The following DMD variants were observed in gnomAD, a reference collection of about 807,000 sequenced individuals.
DMD encodes the protein mutant dystrophin.
A neutral mutation model predicts 330.1 loss-of-function variants in DMD; 63 were observed. The ratio of observed to expected loss-of-function variants is 0.19; its 90% CI spans 0.16 to 0.24. The LOEUF (loss-of-function observed/expected upper bound fraction) is 0.24. Ranked by LOEUF, DMD falls within the 10% of genes least tolerant of loss-of-function variation. The probability of loss-of-function intolerance (pLI) is 1.00; values close to 1 mark genes in which losing one functional copy is unlikely to be tolerated. For missense variants in DMD, 3,344 were observed against 2,684.1 expected (o/e 1.25, Z -5.43); for synonymous variants, 1,223 against 959.8 (o/e 1.27, Z -5.07).
chrX:32,696,609 T>A (rs1485393846), intron 9 of DMD, among the ~76,000 whole-genome samples: 2 of 111,295 alleles, frequency 1.8e-5, no homozygotes, highest in Non-Finnish European at 3.8e-5. Flanking sequence ...ATGAAGGTGG[T>A]GATGAGGTGA....
chrX:32,230,978 G>A (rs1441972580), intron 43 of DMD, among the ~76,000 whole-genome samples: 1 of 112,047 alleles, frequency 8.9e-6, no homozygotes, highest in Non-Finnish European at 1.9e-5. Context: ...AGGAAAATAT[G>A]TATAACTGAT....
At chrX:32,621,949 G>T (rs749101145) in intron 11 of DMD, among the ~76,000 whole-genome samples, 1 of 111,424 alleles carries the variant, frequency 9.0e-6, no homozygotes, top group Non-Finnish European at 1.9e-5. Context: ...CTAGAAATGT[G>T]TATTTTAACA....
At chrX:31,444,163 A>G (rs1309010991) in intron 60 of DMD, among the ~76,000 whole-genome samples, 1 of 111,129 alleles carries the variant, frequency 9.0e-6, no homozygotes, top group Non-Finnish European at 1.9e-5. Flanking sequence ...CGCCCTCGCC[A>G]GAAGCAGATG....
chrX:32,244,698 A>T (rs202159496), intron 43 of DMD, among the ~76,000 whole-genome samples: 1,518 of 80,636 alleles, frequency 0.019, 42 homozygotes, highest in East Asian at 0.042. Context: ...GATTTGCATT[A>T]CTCTGATGGC....
intron 2 of DMD, among the ~76,000 whole-genome samples, chrX:32,919,421 G>C (rs1022596067): frequency 3.5e-4 from 39 of 111,978 alleles, no homozygotes; most frequent in African/African-American, 1.2e-3. Flanking sequence ...CAACTATAAA[G>C]TAAATGGATG....
At chrX:31,501,093 C>T (rs763452107) in intron 56 of DMD, among the ~76,000 whole-genome samples, 22 of 112,242 alleles carry the variant, frequency 2.0e-4, no homozygotes, top group Non-Finnish European at 3.9e-4. Flanking sequence ...TAATCACAGG[C>T]TGTAAACTGA....
At chrX:32,937,100 G>C (rs1211433590) in intron 2 of DMD, among the ~76,000 whole-genome samples, 9 of 110,706 alleles carry the variant, frequency 8.1e-5, no homozygotes. Context: ...TATCAACAGA[G>C]ATATGCTCAG....
chrX:33,194,545 T>C (rs1198766161), intron 1 of DMD, among the ~76,000 whole-genome samples: 2 of 111,873 alleles, frequency 1.8e-5, no homozygotes, highest in East Asian at 5.6e-4. Context: ...ATATCGCATC[T>C]TTTCTTTGGT....
intron 23 of DMD, among the ~76,000 whole-genome samples, chrX:32,466,769 A>T (rs2040071871): frequency 1.8e-5 from 2 of 111,530 alleles, no homozygotes; most frequent in Admixed American, 1.9e-4. Flanking sequence ...TGAGACAAGG[A>T]ATGCTTCTAG....
intron 2 of DMD, among the ~76,000 whole-genome samples, chrX:32,965,335 T>C (rs1195292849): frequency 1.8e-5 from 2 of 109,810 alleles, no homozygotes; most frequent in Non-Finnish European, 3.8e-5. Flanking sequence ...GTACTAAAAA[T>C]ACAAAAAAAT....
chrX:31,139,625 C>T (rs183603931), intron 76 of DMD, among the ~76,000 whole-genome samples: 41 of 106,453 alleles, frequency 3.9e-4, no homozygotes, highest in African/African-American at 1.4e-3. Context: ...AAACATTGTA[C>T]TTTCTCACTT....
At chrX:32,665,540 TCATGTATCAAC>T (rs775120844) in intron 9 of DMD, among the ~76,000 whole-genome samples, 2 of 112,340 alleles carry the variant, frequency 1.8e-5, no homozygotes, top group East Asian at 5.6e-4. Context: ...TATTGTGGAT[TCATGTATCAAC>T]TATGTATTAA....
At chrX:33,083,604 C>T (rs1209176246) in intron 1 of DMD, among the ~76,000 whole-genome samples, 2 of 111,739 alleles carry the variant, frequency 1.8e-5, no homozygotes, top group Non-Finnish European at 3.8e-5. Context: ...CTTCTATCAG[C>T]AACCCCTTCT....
At chrX:32,682,988 C>T (rs1262461785) in intron 9 of DMD, among the ~76,000 whole-genome samples, 1 of 111,367 alleles carries the variant, frequency 9.0e-6, no homozygotes. Context: ...ATTCACAGTG[C>T]ACATTGGAAT....
intron 1 of DMD, among the ~76,000 whole-genome samples, chrX:33,283,110 T>G (rs754662816): frequency 8.9e-6 from 1 of 112,539 alleles, no homozygotes; most frequent in African/African-American, 3.2e-5. Context: ...ACTTGGTTTT[T>G]AAAATGTGCA....
At chrX:31,176,095 G>A (rs983405291) in intron 71 of DMD, among the ~76,000 whole-genome samples, 1 of 111,285 alleles carries the variant, frequency 9.0e-6, no homozygotes, top group Non-Finnish European at 1.9e-5. Flanking sequence ...TGGCTCTTAT[G>A]CCTGAATAGG....
At chrX:31,784,971 G>A (rs754637986) in intron 50 of DMD, among the ~76,000 whole-genome samples, 1 of 111,884 alleles carries the variant, frequency 8.9e-6, no homozygotes, top group East Asian at 2.8e-4. Context: ...ATCTTAAAGA[G>A]ATATTTGCAC....
chrX:32,587,415 T>G (rs931475730), intron 13 of DMD, among the ~76,000 whole-genome samples: 7 of 112,382 alleles, frequency 6.2e-5, no homozygotes, highest in African/African-American at 1.9e-4. Context: ...TTTGTCACCT[T>G]TAAAAATTAT....
At chrX:31,379,149 C>T (rs1432819995) in intron 60 of DMD, among the ~76,000 whole-genome samples, 2 of 109,895 alleles carry the variant, frequency 1.8e-5, no homozygotes, top group East Asian at 2.9e-4. Context: ...TCTAATCTTC[C>T]TTTTCTACAG....
Sources: allele counts gnomAD v4.1 joint callset (sites outside exome capture counted in the v4.1 genomes callset), GRCh38; gene constraint gnomAD v4.1.1; transcripts MANE v1.5; gene names NCBI Gene and HGNC (gene_info 2026-07-23, HGNC 2026-07-21).